NOL12: variants seen among roughly 807,000 people sequenced by gnomAD.
NOL12 encodes the protein nucleolar protein 12.
NOL12 carries 21 observed loss-of-function variants against 25.2 expected under a neutral mutation model. The ratio of observed to expected loss-of-function variants is 0.83; its 90% CI spans 0.59 to 1.20. The LOEUF is 1.20. Among genes scored for constraint, NOL12 ranks in the 50% most tolerant of loss-of-function variants. The pLI, the probability that NOL12 is intolerant of heterozygous loss-of-function variation, is 0.00. For missense variants in NOL12, 286 were observed against 287.6 expected (o/e 0.99, Z 0.04); for synonymous variants, 133 against 113.8 (o/e 1.17, Z -1.08).
rs912535517 is a variant in NOL12 at position 37,691,908 on chromosome 22, C to T, written c.*572C>T. ...CACCGAGGAGCCTCTGTGCCTGTCC[C>T]TTGTCCTCGGCCCCAGGAGTCTCCT... On this transcript the variant is annotated 3_prime_UTR_variant, in exon 6 of 6. Coordinates refer to ENST00000359114, the MANE Select transcript of NOL12 (RefSeq NM_024313.3). 2 of 152,570 alleles carry T rather than the reference C, an allele frequency of 1.3e-5. No individual in the cohort carries two copies. Among genetic ancestry groups the T allele is most frequent in the Non-Finnish European group, 2.9e-5 (2 of 68,316 alleles). 9.5% of individuals were successfully genotyped at this position (152,570 alleles called of 1,614,324 possible).
chr22:37,688,463 C>T (rs1921920303), intron 3 of NOL12, 103 bp downstream of exon 3: 1 of 1,262,020 alleles, frequency 7.9e-7, no homozygotes, highest in Non-Finnish European at 1.2e-6. Context: ...CCCTAGGGAT[C>T]TTGGGGGGTA....
chr22:37,691,178 T>C lies in NOL12; in HGVS notation c.484T>C (p.Ser162Pro), dbSNP rs1392622294. ...SRDPLLSQRI[S>P]SLTASLHAHS... ...AGGCTTTCTGCCCTCCCCTAGGATC[T>C]CCTCCCTCACAGCATCACTACATGC... The change falls in exon 6 of 6, where the codon TCC (serine) becomes CCC (proline). Residue 162 changes from serine (S) to proline (P), a missense_variant. Coordinates refer to ENST00000359114, the MANE Select transcript of NOL12 (RefSeq NM_024313.3). The C allele has an allele frequency of 1.2e-6, 2 of 1,606,780 alleles. No homozygotes were observed.
Position 37,692,411 on chromosome 22 carries a change from A to G in NOL12, c.*1075A>G, listed in dbSNP as rs928504942. 8.0e-5 allele frequency: 32 copies of G among 398,368 alleles called. No homozygotes were observed. The highest frequency in any genetic ancestry group is 1.4e-4 in the Non-Finnish European group (31 of 226,092). The allele number at this position is 398,368 out of a possible 1,614,324, so 24.7% of individuals were successfully genotyped here. On this transcript the variant is annotated 3_prime_UTR_variant, in exon 6 of 6. Transcript: ENST00000359114. Reference sequence around the variant, plus strand: ...CTTGACTCGTACAAAAGTAGCCCCCACCAGAGTAGACCCTGCGGGTGCCAG... The same window carrying G: ...CTTGACTCGTACAAAAGTAGCCCCCGCCAGAGTAGACCCTGCGGGTGCCAG...
intron 5 of NOL12, 141 bp downstream of exon 5, chr22:37,690,935 C>G (rs531209960): frequency 1.4e-6 from 1 of 696,032 alleles, no homozygotes; most frequent in Admixed American, 2.8e-5. Flanking sequence ...TCCTCATTGC[C>G]CCGTCCTGTC....
chr22:37,686,553 C>T, intron 1 of NOL12, 78 bp downstream of exon 1: 1 of 1,435,030 alleles, frequency 7.0e-7, no homozygotes, highest in African/African-American at 1.5e-5. Flanking sequence ...GAGCACGCTC[C>T]CGCCGGGGGC....
In NOL12 at chr22:37,688,029, AGGTG is replaced by A; in HGVS notation, c.189+17_189+20del. The A allele has an allele frequency of 1.3e-6, 1 of 765,150 alleles. No homozygotes were observed. Among genetic ancestry groups the A allele is most frequent in the Non-Finnish European group, 2.1e-6 (1 of 481,518 alleles). The allele number at this position is 765,150 out of a possible 1,614,324, so 47.4% of individuals were successfully genotyped here. The stretch of plus-strand genomic sequence containing the variant: ...CTTCGGGAGGAGGTACGCAGGGGGA[AGGTG>A]GGAGGGAGGTCTTTGATTCTTAGGG... On this transcript the variant is annotated intron_variant, in intron 2 of 5. Coordinates refer to ENST00000359114, the MANE Select transcript of NOL12 (RefSeq NM_024313.3).
chr22:37,688,943 G>A lies in NOL12; in HGVS notation c.332G>A (p.Ser111Asn). ...CACACAGTCACCGTGACCACCATCAGTGACCTGGACCTCTCGGGGGCCCGG... is the reference window on the plus strand; with the variant it reads ...CACACAGTCACCGTGACCACCATCAATGACCTGGACCTCTCGGGGGCCCGG... ...PNHTVTVTTI[S>N]DLDLSGARLL... The change falls in exon 4 of 6, where the codon AGT (serine) becomes AAT (asparagine). Residue 111 changes from serine to asparagine, a missense_variant. Transcript: ENST00000359114. The A allele has an allele frequency of 6.2e-7, 1 of 1,613,960 alleles. No homozygotes were observed.
At position 37,688,021 on chromosome 22, in the gene NOL12, CA is replaced by C; in HGVS notation, c.189+7del. On this transcript the variant is annotated splice_region_variant and intron_variant, in intron 2 of 5. Transcript: ENST00000359114. ...AGAGGAAGCTTCGGGAGGAGGTACGCAGGGGGAAGGTGGGAGGGAGGTCTTT... is the reference window on the plus strand; with the variant it reads ...AGAGGAAGCTTCGGGAGGAGGTACGCGGGGGAAGGTGGGAGGGAGGTCTTT... 1 of 1,541,782 alleles carries C rather than the reference CA, an allele frequency of 6.5e-7. No individual in the cohort carries two copies. The highest frequency in any genetic ancestry group is 8.8e-7 in the Non-Finnish European group (1 of 1,135,656).
chr22:37,689,219 T>G (rs1921958162), intron 4 of NOL12, among the ~76,000 whole-genome samples: 1 of 152,246 alleles, frequency 6.6e-6, no homozygotes, highest in African/African-American at 2.4e-5. Flanking sequence ...TCCGGGGTGC[T>G]GCAAAGACCA....
rs1041501883 is a variant in NOL12, at chr22:37,692,410, C to T, written c.*1074C>T. 1.0e-5 allele frequency: 4 copies of T among 398,356 alleles called. No individual in the cohort carries two copies. The highest frequency in any genetic ancestry group is 1.8e-5 in the Non-Finnish European group (4 of 226,112). The allele number at this position is 398,356 out of a possible 1,614,324, so 24.7% of individuals were successfully genotyped here. On this transcript the variant is annotated 3_prime_UTR_variant, in exon 6 of 6. Coordinates refer to ENST00000359114, the MANE Select transcript of NOL12 (RefSeq NM_024313.3). ...TCTTGACTCGTACAAAAGTAGCCCC[C>T]ACCAGAGTAGACCCTGCGGGTGCCA...
Position 37,692,337 on chromosome 22 carries a change from A to G in NOL12, c.*1001A>G. The G allele has an allele frequency of 2.5e-6, 1 of 395,298 alleles. No individual in the cohort carries two copies. The highest frequency in any genetic ancestry group is 4.5e-6 in the Non-Finnish European group (1 of 224,468). The allele number at this position is 395,298 out of a possible 1,614,324, so 24.5% of individuals were successfully genotyped here. ...ACGCCATTGCACTCCAGCCTGGGCA[A>G]CGTTGTGACCTTGTCTCAAAAAAAA... On this transcript the variant is annotated 3_prime_UTR_variant, in exon 6 of 6. Coordinates refer to ENST00000359114, the MANE Select transcript of NOL12 (RefSeq NM_024313.3).
chr22:37,686,377 CG>C lies in NOL12; in HGVS notation c.-14del. ...GGAAGTGTCTTCAGGGAGAGGAAGC[CG>C]GCGGCCTCACTGCTATGGGCCGCAA... On this transcript the variant is annotated 5_prime_UTR_variant, in exon 1 of 6. Transcript: ENST00000359114. The C allele has an allele frequency of 4.4e-6, 7 of 1,585,530 alleles. No individual in the cohort carries two copies. Among genetic ancestry groups the C allele is most frequent in the Middle Eastern group, 1.7e-4 (1 of 6,008 alleles).
At chr22:37,688,127 C>CACATGTGTGTG (rs1921905272) in intron 2 of NOL12, 112 bp downstream of exon 2, 16 of 1,111,232 alleles carry the variant, frequency 1.4e-5, no homozygotes, top group Non-Finnish European at 1.7e-5. Context: ...GTGGGCAGGA[C>CACATGTGTGTG]TGGGGAATAG....
intron 1 of NOL12, 92 bp downstream of exon 1, chr22:37,686,567 TC>T: frequency 7.1e-7 from 1 of 1,418,316 alleles, no homozygotes; most frequent in Non-Finnish European, 9.2e-7. Context: ...CGGGGGCTCT[TC>T]CGGTCCCGCC....
At position 37,691,923 on chromosome 22, in the gene NOL12, A is replaced by C. The variant is rs1159277842; in HGVS notation, c.*587A>C. On this transcript the variant is annotated 3_prime_UTR_variant, in exon 6 of 6. Coordinates refer to ENST00000359114, the MANE Select transcript of NOL12 (RefSeq NM_024313.3). The stretch of plus-strand genomic sequence containing the variant: ...GTGCCTGTCCCTTGTCCTCGGCCCC[A>C]GGAGTCTCCTCAACTGACACTGAAG... 2.0e-5 allele frequency: 3 copies of C among 152,536 alleles called. No homozygotes were observed. The highest frequency in any genetic ancestry group is 7.2e-5 in the African/African-American group (3 of 41,454). The allele number at this position is 152,536 out of a possible 1,614,324, so 9.4% of individuals were successfully genotyped here. A position where few individuals can be genotyped will look rare whatever the true frequency, so the allele number is the denominator to read the frequency against.
At chr22:37,687,684 C>T in intron 1 of NOL12, 3 of 389,214 alleles carry the variant, frequency 7.7e-6, no homozygotes, top group South Asian at 7.6e-5. Flanking sequence ...TCTTGAACTC[C>T]TGGCGTCATG....
chr22:37,687,755 G>C, intron 1 of NOL12, 155 bp from the exon 2 acceptor site: 1 of 565,384 alleles, frequency 1.8e-6, no homozygotes, highest in Non-Finnish European at 3.3e-6. Flanking sequence ...ACCATGCCTG[G>C]CCATTGTTGT....
At chr22:37,686,550 CTCCCGCCGGGGGCTCTTCCGG>C in intron 1 of NOL12, 75 bp downstream of exon 1, 1 of 1,443,370 alleles carries the variant, frequency 6.9e-7, no homozygotes, top group Non-Finnish European at 9.1e-7. Context: ...GCCGAGCACG[CTCCCGCCGGGGGCTCTTCCGG>C]TCCCGCCCCC....
At position 37,691,319 on chromosome 22, in the gene NOL12, C is replaced by A. The variant is rs760440711; in HGVS notation, c.625C>A (p.Arg209=). The A allele has an allele frequency of 1.9e-5, 31 of 1,611,314 alleles. No individual in the cohort carries two copies. In the South Asian group the frequency reaches 3.4e-4, roughly 18 times the overall value. The change falls in exon 6 of 6, where the codon CGG becomes AGG. Residue 209 remains arginine (R), a synonymous_variant. Transcript: ENST00000359114. The part of the protein sequence containing the change: ...AQRRRLTGKA[R]HSGE ...GCGCCGCCGTCTCACAGGCAAAGCA[C>A]GGCACAGCGGGGAGTGAGACCGAGA...
Sources: gnomAD v4.1 joint callset for allele counts (sites outside exome capture counted in the v4.1 genomes callset) on GRCh38, gnomAD v4.1.1 for gene constraint, MANE v1.5 for transcripts, NCBI Gene and HGNC (gene_info 2026-07-23, HGNC 2026-07-21) for gene names.